Variants in RAD51C observed in about 807,000 individuals in gnomAD.
RAD51C encodes the protein DNA repair protein RAD51 homolog 3.
A neutral mutation model predicts 45.0 loss-of-function variants in RAD51C; 42 were observed. That is an observed-to-expected ratio of 0.93 (90% CI 0.73 to 1.21). The LOEUF (loss-of-function observed/expected upper bound fraction) is 1.21, where lower values mean the gene tolerates loss of function less well. RAD51C is among the 50% of genes most tolerant of loss of function. The probability of loss-of-function intolerance (pLI) is 0.00; values close to 1 mark genes in which losing one functional copy is unlikely to be tolerated. For synonymous variants in RAD51C, 172 were observed against 159.8 expected (o/e 1.08, Z -0.58); for missense variants, 474 against 452.2 (o/e 1.05, Z -0.44).
intron 5 of RAD51C, among the ~76,000 whole-genome samples, chr17:58,716,105 GA>G (rs201019624): frequency 0.19 from 20,448 of 105,564 alleles, 2,028 homozygotes; most frequent in East Asian, 0.37. Flanking sequence ...ACTCTGTCTC[GA>G]AAAAAAAAAA....
intron 3 of RAD51C, among the ~76,000 whole-genome samples, chr17:58,701,377 G>A (rs1056601223): frequency 2.0e-5 from 3 of 151,456 alleles, no homozygotes; most frequent in Non-Finnish European, 4.4e-5. Context: ...GCATGGTGGC[G>A]GGCGCCTGTA....
chr17:58,731,079 C>T (rs927702879), intron 7 of RAD51C, among the ~76,000 whole-genome samples: 4 of 152,086 alleles, frequency 2.6e-5, no homozygotes, highest in Non-Finnish European at 5.9e-5. Flanking sequence ...ATAATGTCTT[C>T]AAGGCTCATT....
intron 5 of RAD51C, among the ~76,000 whole-genome samples, chr17:58,710,950 TAGAG>T (rs1289360391): frequency 6.6e-6 from 1 of 152,152 alleles, no homozygotes; most frequent in Non-Finnish European, 1.5e-5. Flanking sequence ...TTACCTTAAT[TAGAG>T]AGACCTTAGC....
chr17:58,695,437 AG>A (rs1438015240), intron 2 of RAD51C: 4 of 1,057,744 alleles, frequency 3.8e-6, no homozygotes, highest in Non-Finnish European at 3.7e-6. Context: ...AAGGTTAAAC[AG>A]GAAGTTTCTG....
chr17:58,694,642 T>G (rs767949874), intron 1 of RAD51C: 35 of 381,676 alleles, frequency 9.2e-5, no homozygotes, highest in African/African-American at 1.5e-4. Context: ...GCCCGGCTAA[T>G]TTTTGTATTT....
chr17:58,716,334 CCAG>C (rs1271292720), intron 5 of RAD51C, among the ~76,000 whole-genome samples: 1 of 152,142 alleles, frequency 6.6e-6, no homozygotes, highest in Non-Finnish European at 1.5e-5. Context: ...TCTCTCTAAA[CCAG>C]CACTGTCCAG....
chr17:58,710,768 T>C (rs945734727), intron 5 of RAD51C, among the ~76,000 whole-genome samples: 10 of 152,092 alleles, frequency 6.6e-5, no homozygotes, highest in African/African-American at 2.4e-4. Flanking sequence ...GAAGTAAATA[T>C]CGGCTCAGAA....
Position 58,735,540 on chromosome 17 carries a change from C to G in RAD51C, c.*1318C>G, listed in dbSNP as rs2049594331. On this transcript the variant is annotated 3_prime_UTR_variant, in exon 9 of 9. Transcript: ENST00000337432. Reference sequence around the variant, plus strand: ...ACACGGTATGATCCATTCTAGAATTCTAGTTGTTATGTTGACATTTTTCTT... The same window carrying G: ...ACACGGTATGATCCATTCTAGAATTGTAGTTGTTATGTTGACATTTTTCTT... The G allele has an allele frequency of 6.6e-6, 1 of 152,028 alleles. No individual in the cohort carries two copies. The highest frequency in any genetic ancestry group is 1.5e-5 in the Non-Finnish European group (1 of 67,998). 9.4% of individuals were successfully genotyped at this position (152,028 alleles called of 1,614,324 possible).
intron 7 of RAD51C, among the ~76,000 whole-genome samples, chr17:58,728,257 AG>A (rs2049252946): frequency 6.6e-6 from 1 of 151,792 alleles, no homozygotes; most frequent in African/African-American, 2.4e-5. Context: ...AAAAAAAAAA[AG>A]TTGCATGAAA....
intron 4 of RAD51C, among the ~76,000 whole-genome samples, chr17:58,706,298 G>A (rs968962381): frequency 3.3e-5 from 5 of 151,880 alleles, no homozygotes; most frequent in East Asian, 3.9e-4. Context: ...ATGGTGGTGC[G>A]TGCCTGTAGT....
intron 5 of RAD51C, among the ~76,000 whole-genome samples, chr17:58,711,678 T>G (rs952383632): frequency 4.0e-5 from 6 of 151,882 alleles, no homozygotes; most frequent in Non-Finnish European, 4.4e-5. Flanking sequence ...GTTGCCCAGC[T>G]GGTCAGAAGG....
At position 58,713,926 on chromosome 17, in the gene RAD51C, C is replaced by G. The variant is rs150126758; in HGVS notation, c.837+3936C>G. Reference sequence around the variant, plus strand: ...GCTTCAGCCTTCCATAGGCATGAGCCACTGTGCCCACCCTGTAGCGTAGTT... The same window carrying G: ...GCTTCAGCCTTCCATAGGCATGAGCGACTGTGCCCACCCTGTAGCGTAGTT... On this transcript the variant is annotated intron_variant, in intron 5 of 8. Transcript: ENST00000337432. Among the ~76,000 whole-genome samples the G allele has an allele frequency of 5.7e-3, 866 of 152,122 alleles. 5 individuals carry two copies. The highest frequency in any genetic ancestry group is 9.1e-3 in the African/African-American group (379 of 41,534).
chr17:58,722,980 C>G (rs1226380178), intron 6 of RAD51C, among the ~76,000 whole-genome samples: 1 of 152,176 alleles, frequency 6.6e-6, no homozygotes, highest in Non-Finnish European at 1.5e-5. Flanking sequence ...ACCCTTTGAG[C>G]TGAGTGGGAC....
At chr17:58,694,837 A>T (rs2143714815) in intron 1 of RAD51C, 94 bp from the exon 2 acceptor site, 1 of 1,162,640 alleles carries the variant, frequency 8.6e-7, no homozygotes, top group Non-Finnish European at 1.3e-6. Flanking sequence ...TCCTAGCATC[A>T]CTGTTGTCTA....
At chr17:58,694,716 C>A (rs1379487981) in intron 1 of RAD51C, 1 of 540,214 alleles carries the variant, frequency 1.9e-6, no homozygotes, top group Non-Finnish European at 3.3e-6. Flanking sequence ...CTCAGGTGAT[C>A]TGGCTGCCTC....
chr17:58,695,132 C>G lies in RAD51C; in HGVS notation c.347C>G (p.Pro116Arg), dbSNP rs2047955710. 4 of 1,613,798 alleles carry G rather than the reference C, an allele frequency of 2.5e-6. No homozygotes were observed. Among genetic ancestry groups the G allele is most frequent in the Non-Finnish European group, 3.4e-6 (4 of 1,179,942 alleles). The change falls in exon 2 of 9, where the codon CCC becomes CGC. Residue 116 changes from proline to arginine, a missense_variant. Physicochemically the swap from Pro to Arg is moderately radical, Grantham distance 103 (BLOSUM62 -2). Coordinates refer to ENST00000337432, the MANE Select transcript of RAD51C (RefSeq NM_058216.3). ...GATGATATTCTTGGGGGTGGAGTGC[C>G]CTTAATGAAAACAACAGAAATTTGT... ...ALDDILGGGV[P>R]LMKTTEICGA...
In RAD51C at chr17:58,692,729, C is replaced by T. The variant is rs876659683; in HGVS notation, c.86C>T (p.Ser29Phe). 3.7e-6 allele frequency: 6 copies of T among 1,614,234 alleles called. No homozygotes were observed. Among genetic ancestry groups the T allele is most frequent in the Middle Eastern group, 1.6e-4 (1 of 6,062 alleles). Residue 29 changes from serine (S) to phenylalanine (F), a missense_variant, in exon 1 of 9, where the codon TCT (serine) becomes TTT (phenylalanine). Physicochemically the swap from Ser to Phe is radical, Grantham distance 155. Transcript: ENST00000337432. ...CCAGCGGTGCGGGTGAAGCTGGTGTCTGCGGGGTTCCAGACTGCTGAGGAA... is the reference window on the plus strand; with the variant it reads ...CCAGCGGTGCGGGTGAAGCTGGTGTTTGCGGGGTTCCAGACTGCTGAGGAA... ...LSPAVRVKLV[S>F]AGFQTAEELL...
At chr17:58,708,708 G>GT (rs1333334326) in intron 4 of RAD51C, among the ~76,000 whole-genome samples, 1 of 151,616 alleles carries the variant, frequency 6.6e-6, no homozygotes, top group Non-Finnish European at 1.5e-5. Context: ...CTTTGGGGGG[G>GT]GCTTTCTTTT....
At chr17:58,706,992 C>G (rs931155130) in intron 4 of RAD51C, among the ~76,000 whole-genome samples, 8 of 152,086 alleles carry the variant, frequency 5.3e-5, no homozygotes, top group African/African-American at 1.9e-4. Flanking sequence ...TGAACAATTC[C>G]TTCTTCAATT....
Sources: allele counts gnomAD v4.1 joint callset (sites outside exome capture counted in the v4.1 genomes callset), GRCh38; gene constraint gnomAD v4.1.1; transcripts MANE v1.5; gene names NCBI Gene and HGNC (gene_info 2026-07-23, HGNC 2026-07-21).